PTPRK: variants seen among roughly 807,000 people sequenced by gnomAD.
The protein encoded by PTPRK is receptor-type tyrosine-protein phosphatase kappa.
PTPRK carries 75 observed loss-of-function variants against 178.0 expected under a neutral mutation model. That is an observed-to-expected ratio of 0.42 (90% CI 0.35 to 0.51). The LOEUF is 0.51. Among genes scored for constraint, PTPRK ranks in the 20% least tolerant of loss-of-function variants. PTPRK has a pLI of 0.02. For missense variants in PTPRK, 1,441 were observed against 1,797.8 expected (o/e 0.80, Z 3.59); for synonymous variants, 637 against 620.6 (o/e 1.03, Z -0.39).
chr6:128,477,579 CTT>C (rs138041047), intron 1 of PTPRK, among the ~76,000 whole-genome samples: 4,488 of 152,220 alleles, frequency 0.029, 226 homozygotes, highest in African/African-American at 0.1. Context: ...TTTCTGTACA[CTT>C]TAGAATAAAT....
chr6:128,191,521 T>A (rs1803781696), intron 6 of PTPRK, among the ~76,000 whole-genome samples: 1 of 151,842 alleles, frequency 6.6e-6, no homozygotes, highest in Non-Finnish European at 1.5e-5. Context: ...GTAAGTATAA[T>A]TAATAATAAT....
At position 128,274,793 on chromosome 6, in the gene PTPRK, T is replaced by A. The variant is rs188702776; in HGVS notation, c.496-32191A>T. On this transcript the variant is annotated intron_variant, in intron 3 of 29. Transcript: ENST00000368226. Reference sequence around the variant, plus strand: ...ATGGTGAAAGTCTGGCTAAAATTAATGTCTGTTTGAACCATTTTAGATTAT... The same window carrying A: ...ATGGTGAAAGTCTGGCTAAAATTAAAGTCTGTTTGAACCATTTTAGATTAT... Among the ~76,000 whole-genome samples, 163 of 152,164 alleles carry A rather than the reference T, an allele frequency of 1.1e-3. 1 individual carries two copies. The highest frequency in any genetic ancestry group is 3.7e-3 in the African/African-American group (155 of 41,570).
In PTPRK at chr6:128,064,751, C is replaced by T. The variant is rs770459653; in HGVS notation, c.2194+7G>A. Reference sequence around the variant, plus strand: ...GTTAAAACAAGCAAAAAAAGCAAACCTCTTACCTTTTGTAGCAATGCGTAC... The same window carrying T: ...GTTAAAACAAGCAAAAAAAGCAAACTTCTTACCTTTTGTAGCAATGCGTAC... On this transcript the variant is annotated splice_region_variant and intron_variant, in intron 13 of 29. Coordinates refer to ENST00000368226, the MANE Select transcript of PTPRK (RefSeq NM_002844.4). 13 of 1,583,576 alleles carry T rather than the reference C, an allele frequency of 8.2e-6. No individual in the cohort carries two copies. Among genetic ancestry groups the T allele is most frequent in the Non-Finnish European group, 1.1e-5 (13 of 1,171,380 alleles).
At chr6:128,155,044 A>T (rs532530883) in intron 7 of PTPRK, among the ~76,000 whole-genome samples, 43 of 151,870 alleles carry the variant, frequency 2.8e-4, no homozygotes, top group African/African-American at 1.0e-3. Context: ...GATTAAAGAA[A>T]CCTGAATATT....
chr6:128,221,162 A>AT (rs1331798460), intron 5 of PTPRK, among the ~76,000 whole-genome samples: 3 of 152,176 alleles, frequency 2.0e-5, no homozygotes, highest in Admixed American at 1.3e-4. Flanking sequence ...GTTTTCTATG[A>AT]TTTTTTGTAC....
intron 25 of PTPRK, 141 bp downstream of exon 25, chr6:127,980,974 CA>C: frequency 1.1e-5 from 9 of 791,028 alleles, no homozygotes; most frequent in South Asian, 5.0e-5. Context: ...AATCATTTTC[CA>C]AAAAAATGTG....
chr6:128,132,206 T>C (rs1794351566), intron 7 of PTPRK, among the ~76,000 whole-genome samples: 1 of 152,182 alleles, frequency 6.6e-6, no homozygotes, highest in Admixed American at 6.5e-5. Context: ...AGATGGAGTC[T>C]CACTGTCACC....
chr6:128,009,057 T>G, intron 14 of PTPRK, 73 bp downstream of exon 14: 1 of 1,390,766 alleles, frequency 7.2e-7, no homozygotes, highest in Non-Finnish European at 9.7e-7. Context: ...TTAAAGGATC[T>G]TGAGAAAAAC....
intron 13 of PTPRK, among the ~76,000 whole-genome samples, chr6:128,049,003 A>G (rs1042762779): frequency 1.4e-4 from 21 of 152,216 alleles, no homozygotes; most frequent in Admixed American, 1.2e-3. Context: ...TATTTGCTAT[A>G]GAAATATTGA....
At chr6:128,159,264 G>A (rs953635285) in intron 7 of PTPRK, among the ~76,000 whole-genome samples, 1 of 151,800 alleles carries the variant, frequency 6.6e-6, no homozygotes, top group Non-Finnish European at 1.5e-5. Context: ...AATATTAGGT[G>A]TAATTCCAAA....
chr6:128,032,637 C>T (rs1044892457), intron 13 of PTPRK, among the ~76,000 whole-genome samples: 1 of 152,104 alleles, frequency 6.6e-6, no homozygotes, highest in Non-Finnish European at 1.5e-5. Context: ...AGGGTGAAAA[C>T]ATTCCCCTCT....
At chr6:128,446,632 C>T (rs149170695) in intron 1 of PTPRK, among the ~76,000 whole-genome samples, 14 of 152,276 alleles carry the variant, frequency 9.2e-5, no homozygotes, top group African/African-American at 3.1e-4. Flanking sequence ...GAGAGGTTGG[C>T]ATGTTTGCTT....
At chr6:128,197,150 T>C (rs1049381897) in intron 6 of PTPRK, among the ~76,000 whole-genome samples, 2 of 151,308 alleles carry the variant, frequency 1.3e-5, no homozygotes, top group African/African-American at 4.8e-5. Flanking sequence ...TCCAGCGCCA[T>C]ACAATTACAT....
chr6:128,283,149 C>T (rs923684958), intron 3 of PTPRK, among the ~76,000 whole-genome samples: 1 of 152,128 alleles, frequency 6.6e-6, no homozygotes, highest in African/African-American at 2.4e-5. Flanking sequence ...GACTTGTGCT[C>T]GCCCCCAAGG....
chr6:128,222,065 T>A (rs1485600112), intron 5 of PTPRK, among the ~76,000 whole-genome samples: 1 of 152,172 alleles, frequency 6.6e-6, no homozygotes. Context: ...CTCCCTGCCA[T>A]ATGTATTTCT....
chr6:128,002,621 G>A (rs1777964601), intron 15 of PTPRK, among the ~76,000 whole-genome samples: 1 of 151,858 alleles, frequency 6.6e-6, no homozygotes, highest in Non-Finnish European at 1.5e-5. Context: ...AACCCAAGTA[G>A]CTTGTTCTAA....
intron 7 of PTPRK, among the ~76,000 whole-genome samples, chr6:128,145,374 T>A (rs1796335082): frequency 6.6e-6 from 1 of 152,106 alleles, no homozygotes; most frequent in African/African-American, 2.4e-5. Context: ...ATGAGTATAT[T>A]CTTATGTCCA....
Position 128,446,483 on chromosome 6 carries a change from G to A in PTPRK, c.101-48795C>T, listed in dbSNP as rs75965791. Among the ~76,000 whole-genome samples, 107 of 152,216 alleles carry A rather than the reference G, an allele frequency of 7.0e-4. 1 individual carries two copies. In the East Asian group the frequency reaches 0.019, roughly 27 times the overall value. On this transcript the variant is annotated intron_variant, in intron 1 of 29. Transcript: ENST00000368226. Reference sequence around the variant, plus strand: ...CTTCAAAATGTAGAATAATTGATACGGCATGCTATGGAAAGCATTCCTAAT... The same window carrying A: ...CTTCAAAATGTAGAATAATTGATACAGCATGCTATGGAAAGCATTCCTAAT...
chr6:128,439,377 T>C (rs1016013958), intron 1 of PTPRK, among the ~76,000 whole-genome samples: 1 of 152,172 alleles, frequency 6.6e-6, no homozygotes, highest in African/African-American at 2.4e-5. Flanking sequence ...CAATATATTT[T>C]TTAATAAAAT....
Sources: gnomAD v4.1 joint callset for allele counts (sites outside exome capture counted in the v4.1 genomes callset) on GRCh38, gnomAD v4.1.1 for gene constraint, MANE v1.5 for transcripts, NCBI Gene and HGNC (gene_info 2026-07-23, HGNC 2026-07-21) for gene names.